Variants in GCSAML observed in about 807,000 individuals in gnomAD.
GCSAML encodes the protein germinal center-associated signaling and motility-like protein.
A neutral mutation model predicts 13.0 loss-of-function variants in GCSAML; 9 were observed. That is an observed-to-expected ratio of 0.69 (90% CI 0.42 to 1.21). The LOEUF is 1.21. Ranked by LOEUF, GCSAML falls within the 50% of genes most tolerant of loss-of-function variation. The probability of loss-of-function intolerance (pLI) is 0.00; values close to 1 mark genes in which losing one functional copy is unlikely to be tolerated. For missense variants in GCSAML, 143 were observed against 153.4 expected (o/e 0.93, Z 0.36); for synonymous variants, 37 against 52.9 (o/e 0.70, Z 1.31).
At chr1:247,519,960 G>A (rs1440970187) in intron 1 of GCSAML, among the ~76,000 whole-genome samples, 3 of 152,160 alleles carry the variant, frequency 2.0e-5, no homozygotes, top group African/African-American at 7.2e-5. Flanking sequence ...TGTTAATCAT[G>A]CTAATTATGA....
intron 2 of GCSAML, among the ~76,000 whole-genome samples, chr1:247,558,124 C>T (rs931223119): frequency 2.0e-5 from 3 of 152,146 alleles, no homozygotes; most frequent in Non-Finnish European, 4.4e-5. Context: ...TTTAGGAGCA[C>T]GACTCATGGA....
chr1:247,531,723 T>C, intron 2 of GCSAML: 4 of 1,614,188 alleles, frequency 2.5e-6, no homozygotes, highest in Non-Finnish European at 3.4e-6. Flanking sequence ...TGCTCTTGGC[T>C]GGCTGGAGAT....
At chr1:247,540,135 A>G (rs6684510) in intron 2 of GCSAML, among the ~76,000 whole-genome samples, 46,715 of 152,124 alleles carry the variant, frequency 0.31, 7,323 homozygotes, top group Middle Eastern at 0.43. Flanking sequence ...GCAGTGGCCC[A>G]ATCTCAGCTT....
chr1:247,513,522 T>C (rs1331225006), intron 1 of GCSAML, among the ~76,000 whole-genome samples: 1 of 152,208 alleles, frequency 6.6e-6, no homozygotes, highest in Non-Finnish European at 1.5e-5. Context: ...CGGATAGTTC[T>C]GTCTTGCTGG....
intron 2 of GCSAML, among the ~76,000 whole-genome samples, chr1:247,535,140 T>C (rs1001439181): frequency 3.9e-5 from 6 of 151,900 alleles, no homozygotes; most frequent in Non-Finnish European, 8.8e-5. Flanking sequence ...TAGTGAGAGA[T>C]TGTCTTTACA....
At chr1:247,525,008 G>A (rs765110776) in intron 1 of GCSAML, 19 of 152,124 alleles carry the variant, frequency 1.2e-4, no homozygotes, top group South Asian at 2.1e-4. Context: ...TAAAACTAAA[G>A]TTACTAACAA....
Position 247,526,352 on chromosome 1 carries a change from T to C in GCSAML, c.-262-588T>C, listed in dbSNP as rs944829153. 1 of 152,294 alleles carries C rather than the reference T, an allele frequency of 6.6e-6. No homozygotes were observed. The highest frequency in any genetic ancestry group is 2.4e-5 in the African/African-American group (1 of 41,438). The allele number at this position is 152,294 out of a possible 1,614,324, so 9.4% of individuals were successfully genotyped here. On this transcript the variant is annotated intron_variant, in intron 1 of 5. Coordinates refer to the GCSAML transcript ENST00000366489. This position sits in a 1 kb window ranked among gnomAD's most constrained non-coding sequence, Gnocchi z 4.8. The stretch of plus-strand genomic sequence containing the variant: ...TTCTGACAGAAGCTGGAAGATAAAC[T>C]GGTGTGTGAGAAATTACCTTAGTCT...
At chr1:247,542,634 G>A (rs1412611180) in intron 2 of GCSAML, among the ~76,000 whole-genome samples, 1 of 152,180 alleles carries the variant, frequency 6.6e-6, no homozygotes, top group Non-Finnish European at 1.5e-5. Flanking sequence ...GAAGGGAGAT[G>A]TTGCTTGACA....
chr1:247,570,182 AG>A (rs1668545383), intron 4 of GCSAML, among the ~76,000 whole-genome samples: 1 of 152,100 alleles, frequency 6.6e-6, no homozygotes, highest in African/African-American at 2.4e-5. Flanking sequence ...GATTTTTTGA[AG>A]GGTTTTTCAT....
intron 4 of GCSAML, 67 bp from the exon 5 acceptor site, chr1:247,574,076 T>C: frequency 6.4e-7 from 1 of 1,572,238 alleles, no homozygotes; most frequent in Non-Finnish European, 8.7e-7. Flanking sequence ...GAAGGGAAGG[T>C]AGTACACTGA....
chr1:247,575,917 G>A lies in GCSAML; in HGVS notation c.*1535G>A, dbSNP rs946034458. 6.6e-6 allele frequency: 1 copy of A among 152,102 alleles called. No homozygotes were observed. Among genetic ancestry groups the A allele is most frequent in the Non-Finnish European group, 1.5e-5 (1 of 68,032 alleles). 9.4% of individuals were successfully genotyped at this position (152,102 alleles called of 1,614,324 possible). On this transcript the variant is annotated 3_prime_UTR_variant, in exon 5 of 5. Transcript: ENST00000366488. ...CCAGCTTCCTAATTTGGAGACAAAA[G>A]CCTTAATTGACAATGCATTCATTAT...
chr1:247,549,886 G>A (rs1667707475), intron 1 of GCSAML, among the ~76,000 whole-genome samples: 1 of 152,102 alleles, frequency 6.6e-6, no homozygotes, highest in African/African-American at 2.4e-5. Flanking sequence ...TAAATGATGG[G>A]CTCTACAGCA....
chr1:247,528,526 G>A (rs1245053686), intron 2 of GCSAML: 1 of 152,192 alleles, frequency 6.6e-6, no homozygotes, highest in East Asian at 1.9e-4. Context: ...GAAGGAAAAA[G>A]CATGGGCCAG....
chr1:247,546,695 A>G (rs139353788), upstream of GCSAML, among the ~76,000 whole-genome samples: 153 of 152,168 alleles, frequency 1.0e-3, no homozygotes, highest in African/African-American at 2.5e-3. Context: ...TTATGGCATG[A>G]TAACACTTAT....
chr1:247,571,721 A>G lies in GCSAML; in HGVS notation c.169-2422A>G, dbSNP rs1419469873. 2.6e-5 allele frequency among the ~76,000 whole-genome samples: 4 copies of G among 152,036 alleles called. No individual in the cohort carries two copies. In the East Asian group the frequency reaches 7.7e-4, roughly 29 times the overall value. ...GGAGTATCTTTGTGATGTTCTCTGT[A>G]CTTTCTGAATTACAATGTTGGCCTG... On this transcript the variant is annotated intron_variant, in intron 4 of 4. Transcript: ENST00000366488.
At chr1:247,512,292 A>G (rs1201388741) in intron 1 of GCSAML, among the ~76,000 whole-genome samples, 1 of 151,542 alleles carries the variant, frequency 6.6e-6, no homozygotes, top group Admixed American at 6.6e-5. Context: ...CTTCTGCTTG[A>G]TCAATTCGGC....
At chr1:247,555,494 C>G (rs1667917339) in intron 1 of GCSAML, among the ~76,000 whole-genome samples, 1 of 152,188 alleles carries the variant, frequency 6.6e-6, no homozygotes, top group South Asian at 2.1e-4. Flanking sequence ...CAAATATATT[C>G]TTTGCTTAGT....
At chr1:247,545,313 G>A (rs1422631183), upstream of GCSAML, among the ~76,000 whole-genome samples, 1 of 152,206 alleles carries the variant, frequency 6.6e-6, no homozygotes, top group Admixed American at 6.5e-5. Flanking sequence ...GGCAACTCCT[G>A]TTGTAGATTT....
intron 4 of GCSAML, among the ~76,000 whole-genome samples, chr1:247,571,711 T>C (rs1382005089): frequency 1.3e-5 from 2 of 152,228 alleles, no homozygotes; most frequent in African/African-American, 4.8e-5. Context: ...ATCTTTGTGA[T>C]GTTCTCTGTA....
Sources: gnomAD v4.1 joint callset for allele counts (sites outside exome capture counted in the v4.1 genomes callset) on GRCh38, gnomAD v4.1.1 for gene constraint, Gnocchi (gnomAD v3.1) non-coding constraint, MANE v1.5 for transcripts, NCBI Gene and HGNC (gene_info 2026-07-23, HGNC 2026-07-21) for gene names.